The following AFG2A variants were observed in gnomAD, a reference collection of about 807,000 sequenced individuals.
The protein encoded by AFG2A is ATPase family gene 2 protein homolog A.
At chr4:123,001,963 A>G in the AFG2A span, among the ~76,000 whole-genome samples, 1 of 152,166 alleles carries the variant, frequency 6.6e-6, no homozygotes, top group Non-Finnish European at 1.5e-5. Context: ...GTCACTCAGG[A>G]CTTGCTTTAT....
At chr4:122,994,087 A>G in the AFG2A span, among the ~76,000 whole-genome samples, 4 of 152,202 alleles carry the variant, frequency 2.6e-5, no homozygotes, top group Admixed American at 6.5e-5. Flanking sequence ...GTGAAAATGA[A>G]TTTCTCATCT....
the AFG2A span, chr4:123,314,728 G>T: frequency 1.3e-5 from 2 of 150,118 alleles, no homozygotes; most frequent in African/African-American, 4.9e-5. Flanking sequence ...TAGATCAGTA[G>T]GCTTGGGTTT....
chr4:123,117,577 T>C, the AFG2A span, among the ~76,000 whole-genome samples: 1 of 151,452 alleles, frequency 6.6e-6, no homozygotes, highest in Non-Finnish European at 1.5e-5. Flanking sequence ...ATGTAAATGA[T>C]CTTATTCCCA....
chr4:122,945,301 C>CT, the AFG2A span, among the ~76,000 whole-genome samples: 3 of 152,232 alleles, frequency 2.0e-5, no homozygotes, highest in South Asian at 2.1e-4. Context: ...CCAGTTCAAG[C>CT]TTCCGGGCTG....
At chr4:123,034,141 A>G in the AFG2A span, among the ~76,000 whole-genome samples, 1 of 152,038 alleles carries the variant, frequency 6.6e-6, no homozygotes, top group Non-Finnish European at 1.5e-5. Flanking sequence ...CCAAACACAG[A>G]TTGAAAATAT....
chr4:123,196,167 A>ATTTTTTTT, the AFG2A span, among the ~76,000 whole-genome samples: 1,195 of 79,642 alleles, frequency 0.015, 109 homozygotes, highest in Non-Finnish European at 0.022. Context: ...TGCCCAGCTA[A>ATTTTTTTT]TTTTTTTTTT....
the AFG2A span, among the ~76,000 whole-genome samples, chr4:122,988,053 T>G: frequency 8.4e-6 from 1 of 118,378 alleles, no homozygotes; most frequent in African/African-American, 3.0e-5. Context: ...GGTATAGTAT[T>G]CTTTGTTGGC....
chr4:122,990,446 C>T, the AFG2A span, among the ~76,000 whole-genome samples: 5 of 152,144 alleles, frequency 3.3e-5, no homozygotes, highest in African/African-American at 1.2e-4. Context: ...ATAGGCGTTT[C>T]AGTATCCATA....
the AFG2A span, chr4:122,929,193 C>T: frequency 1.3e-6 from 2 of 1,579,906 alleles, no homozygotes; most frequent in Non-Finnish European, 8.6e-7. Context: ...GGATGTGGCA[C>T]TGAGGTTTGG....
At chr4:123,084,612 G>A in the AFG2A span, among the ~76,000 whole-genome samples, 9 of 148,932 alleles carry the variant, frequency 6.0e-5, no homozygotes, top group South Asian at 4.2e-4. Flanking sequence ...GTGTGTGTGT[G>A]TGTATATATA....
chr4:123,134,206 C>G, the AFG2A span, among the ~76,000 whole-genome samples: 1 of 151,974 alleles, frequency 6.6e-6, no homozygotes, highest in African/African-American at 2.4e-5. Context: ...AGCTTTTTCT[C>G]TTAGGTTTTC....
the AFG2A span, among the ~76,000 whole-genome samples, chr4:123,146,825 C>T: frequency 0.059 from 8,992 of 152,140 alleles, 651 homozygotes; most frequent in African/African-American, 0.17. Flanking sequence ...CAAGGCAAAG[C>T]GCACAGGGTT....
At chr4:123,175,662 T>C in the AFG2A span, among the ~76,000 whole-genome samples, 1 of 152,200 alleles carries the variant, frequency 6.6e-6, no homozygotes, top group Non-Finnish European at 1.5e-5. Flanking sequence ...TTGAAACACA[T>C]TTCAGCTTGA....
chr4:123,128,034 A>G, the AFG2A span, among the ~76,000 whole-genome samples: 2 of 152,176 alleles, frequency 1.3e-5, no homozygotes, highest in African/African-American at 4.8e-5. Flanking sequence ...CAATGAGAAG[A>G]TTCTGAAAAA....
the AFG2A span, chr4:123,057,403 C>T: frequency 4.3e-6 from 5 of 1,158,906 alleles, no homozygotes; most frequent in African/African-American, 3.2e-5. Flanking sequence ...TACATTTGGC[C>T]TAAAAAAGTT....
the AFG2A span, among the ~76,000 whole-genome samples, chr4:122,941,875 C>A: frequency 1.3e-5 from 2 of 151,602 alleles, no homozygotes; most frequent in South Asian, 4.2e-4. Flanking sequence ...GCCTTTTCTG[C>A]ATCTATTGAG....
the AFG2A span, among the ~76,000 whole-genome samples, chr4:123,149,128 G>C: frequency 1.3e-5 from 2 of 152,112 alleles, no homozygotes; most frequent in Non-Finnish European, 2.9e-5. Flanking sequence ...TGACAGAGAT[G>C]GCACTTATAC....
chr4:123,063,619 G>A, the AFG2A span, among the ~76,000 whole-genome samples: 1 of 152,014 alleles, frequency 6.6e-6, no homozygotes, highest in African/African-American at 2.4e-5. Context: ...GGTGGCAGAC[G>A]CCTGTAGTCC....
the AFG2A span, among the ~76,000 whole-genome samples, chr4:123,168,817 A>G: frequency 6.6e-6 from 1 of 152,244 alleles, no homozygotes; most frequent in Non-Finnish European, 1.5e-5. Context: ...GAAACTCAGT[A>G]TTACCATGAA....
Sources: gnomAD v4.1 joint callset for allele counts (sites outside exome capture counted in the v4.1 genomes callset) on GRCh38, gnomAD v4.1.1 for gene constraint, MANE v1.5 for transcripts, NCBI Gene and HGNC (gene_info 2026-07-23, HGNC 2026-07-21) for gene names.